Variants in AP3S2 observed in about 807,000 individuals in gnomAD.
AP3S2 encodes adaptor related protein complex 3 subunit sigma 2.
AP3S2 carries 22 observed loss-of-function variants against 23.4 expected under a neutral mutation model. That is an observed-to-expected ratio of 0.94 (90% CI 0.67 to 1.34). AP3S2 has a LOEUF of 1.34. Ranked by LOEUF, AP3S2 falls within the 40% of genes most tolerant of loss-of-function variation. The pLI is 0.00. For missense variants in AP3S2, 241 were observed against 236.9 expected (o/e 1.02, Z -0.11); for synonymous variants, 86 against 87.1 (o/e 0.99, Z 0.07).
intron 3 of AP3S2, among the ~76,000 whole-genome samples, chr15:89,873,378 G>C (rs1896366043): frequency 6.6e-6 from 1 of 151,020 alleles, no homozygotes; most frequent in South Asian, 2.1e-4. Flanking sequence ...TCTGCCTCCT[G>C]GGTTCAAGCA....
At chr15:89,867,762 G>C (rs1896174926) in intron 4 of AP3S2, among the ~76,000 whole-genome samples, 1 of 139,966 alleles carries the variant, frequency 7.1e-6, no homozygotes, top group Non-Finnish European at 1.6e-5. Flanking sequence ...GAAGTGAGGA[G>C]ACCCTCTGCC....
chr15:89,889,863 C>CAAAAAA (rs940624860), intron 1 of AP3S2, among the ~76,000 whole-genome samples: 18 of 19,156 alleles, frequency 9.4e-4, no homozygotes, highest in South Asian at 3.1e-3. Flanking sequence ...GACTCCATCT[C>CAAAAAA]AAAAAAAAAA....
At chr15:89,882,144 A>G (rs927821079) in intron 3 of AP3S2, among the ~76,000 whole-genome samples, 1 of 152,042 alleles carries the variant, frequency 6.6e-6, no homozygotes, top group Non-Finnish European at 1.5e-5. Flanking sequence ...CTAAATATCT[A>G]TCTAGCAACA....
intron 4 of AP3S2, among the ~76,000 whole-genome samples, chr15:89,839,625 C>T (rs1166578495): frequency 6.6e-6 from 1 of 152,114 alleles, no homozygotes; most frequent in East Asian, 1.9e-4. Context: ...AGATTAAAAA[C>T]AGAATTACCA....
chr15:89,842,298 T>G (rs141844310), intron 4 of AP3S2, among the ~76,000 whole-genome samples: 12 of 152,302 alleles, frequency 7.9e-5, no homozygotes, highest in African/African-American at 2.6e-4. Context: ...AAGAAAACTT[T>G]AACATGAATG....
chr15:89,877,407 CCTCT>C, intron 3 of AP3S2: 2 of 1,289,936 alleles, frequency 1.6e-6, no homozygotes, highest in Non-Finnish European at 2.0e-6. Context: ...GGCTTTTCTT[CCTCT>C]CTCTTTTTTT....
At position 89,832,302 on chromosome 15, in the gene AP3S2, G is replaced by A. The variant is rs1387539858; in HGVS notation, c.*3213C>T. 2 of 151,896 alleles carry A rather than the reference G, an allele frequency of 1.3e-5. No individual in the cohort carries two copies. The highest frequency in any genetic ancestry group is 2.9e-5 in the Non-Finnish European group (2 of 67,982). The allele number at this position is 151,896 out of a possible 1,614,324, so 9.4% of individuals were successfully genotyped here. Reference sequence around the variant, plus strand: ...CTACTAAAAAAATAAAACTAGCCAGGAGTGGTGGTTGCGTGCCTGTGGTTC... The same window carrying A: ...CTACTAAAAAAATAAAACTAGCCAGAAGTGGTGGTTGCGTGCCTGTGGTTC... On this transcript the variant is annotated 3_prime_UTR_variant, in exon 6 of 6. Coordinates refer to ENST00000336418, the MANE Select transcript of AP3S2 (RefSeq NM_005829.5).
intron 5 of AP3S2, among the ~76,000 whole-genome samples, chr15:89,836,099 A>G (rs988799942): frequency 6.6e-6 from 1 of 152,172 alleles, no homozygotes; most frequent in Non-Finnish European, 1.5e-5. Context: ...ACACAACTGA[A>G]GTTTTAACTT....
chr15:89,847,235 C>G (rs1356354484), intron 4 of AP3S2, among the ~76,000 whole-genome samples: 1 of 151,100 alleles, frequency 6.6e-6, no homozygotes, highest in Non-Finnish European at 1.5e-5. Flanking sequence ...AGTTTAAAAA[C>G]TAGCTGGGCA....
At chr15:89,885,042 ATAACT>A (rs1383761937) in intron 3 of AP3S2, among the ~76,000 whole-genome samples, 1 of 152,196 alleles carries the variant, frequency 6.6e-6, no homozygotes, top group East Asian at 1.9e-4. Flanking sequence ...GTTTTAAAAA[ATAACT>A]TAATGTAACA....
At chr15:89,872,425 T>C (rs978884448) in intron 3 of AP3S2, among the ~76,000 whole-genome samples, 6 of 152,232 alleles carry the variant, frequency 3.9e-5, no homozygotes, top group Non-Finnish European at 8.8e-5. Flanking sequence ...TTTTAACTTT[T>C]AATAAAACAT....
At chr15:89,885,308 C>A (rs191255148) in intron 3 of AP3S2, among the ~76,000 whole-genome samples, 2 of 152,128 alleles carry the variant, frequency 1.3e-5, no homozygotes, top group Admixed American at 6.5e-5. Flanking sequence ...GATTCTCATG[C>A]CTTGGCTACC....
chr15:89,872,296 T>C (rs1403693362), intron 3 of AP3S2, among the ~76,000 whole-genome samples: 1 of 152,218 alleles, frequency 6.6e-6, no homozygotes, highest in Non-Finnish European at 1.5e-5. Flanking sequence ...TCTTCCCTTT[T>C]TAATTTTTTT....
intron 4 of AP3S2, chr15:89,845,736 T>C (rs1895471677): frequency 6.6e-6 from 1 of 152,258 alleles, no homozygotes; most frequent in African/African-American, 2.4e-5. Flanking sequence ...GTCATGTAAA[T>C]GGTATTCAAA....
At position 89,840,112 on chromosome 15, in the gene AP3S2, G is replaced by C. The variant is rs75250983; in HGVS notation, c.346-2390C>G. On this transcript the variant is annotated intron_variant, in intron 4 of 5. Coordinates refer to ENST00000336418, the MANE Select transcript of AP3S2 (RefSeq NM_005829.5). ...GTACAGAGGTGCTGTTTTGCAAGAT[G>C]AAGAGCTCTGGAGACGGATGGTGGT... Among the ~76,000 whole-genome samples the C allele has an allele frequency of 8.6e-3, 1,302 of 152,278 alleles. 29 individuals are homozygous for C. The highest frequency in any genetic ancestry group is 0.03 in the African/African-American group (1,230 of 41,540).
At chr15:89,878,304 C>T (rs1896490766) in intron 3 of AP3S2, 1 of 659,852 alleles carries the variant, frequency 1.5e-6, no homozygotes, top group African/African-American at 1.8e-5. Flanking sequence ...GATGTACCTA[C>T]ATAAAGCAAA....
At chr15:89,851,770 T>C (rs1895661021) in intron 4 of AP3S2, among the ~76,000 whole-genome samples, 1 of 151,646 alleles carries the variant, frequency 6.6e-6, no homozygotes. Context: ...AAAAACCAGT[T>C]CCTATTATGA....
chr15:89,849,274 C>T (rs932029925), intron 4 of AP3S2, among the ~76,000 whole-genome samples: 2 of 152,202 alleles, frequency 1.3e-5, no homozygotes, highest in Non-Finnish European at 2.9e-5. Context: ...TACACACTCC[C>T]ATGACTTCTA....
intron 3 of AP3S2, among the ~76,000 whole-genome samples, chr15:89,882,007 A>C (rs1281173377): frequency 6.6e-6 from 1 of 152,044 alleles, no homozygotes; most frequent in Non-Finnish European, 1.5e-5. Flanking sequence ...TTTTTAGTAG[A>C]GACAGGGTTT....
Sources: allele counts gnomAD v4.1 joint callset (sites outside exome capture counted in the v4.1 genomes callset), GRCh38; gene constraint gnomAD v4.1.1; transcripts MANE v1.5; gene names NCBI Gene and HGNC (gene_info 2026-07-23, HGNC 2026-07-21).